The following PRKCE variants were observed in gnomAD, a reference collection of about 807,000 sequenced individuals.
The protein encoded by PRKCE is protein kinase C epsilon.
PRKCE carries 16 observed loss-of-function variants against 85.4 expected under a neutral mutation model. The observed-to-expected ratio is 0.19, with a 90% CI of 0.13 to 0.28. The LOEUF is 0.28. Ranked by LOEUF, PRKCE falls within the 10% of genes least tolerant of loss-of-function variation. The pLI, the probability that PRKCE is intolerant of heterozygous loss-of-function variation, is 1.00. For missense variants in PRKCE, 573 were observed against 975.2 expected, an observed-to-expected ratio of 0.59 and a Z score of 5.49; for synonymous variants, 388 against 371.5, an observed-to-expected ratio of 1.04 and a Z score of -0.51.
At chr2:45,947,640 G>A (rs973959021) in intron 2 of PRKCE, among the ~76,000 whole-genome samples, 17 of 152,154 alleles carry the variant, frequency 1.1e-4, no homozygotes, top group Admixed American at 8.5e-4. Flanking sequence ...ATCTTTTTGT[G>A]TGGTTACAGT....
chr2:45,995,852 C>A (rs932773125), intron 6 of PRKCE, among the ~76,000 whole-genome samples: 2 of 152,156 alleles, frequency 1.3e-5, no homozygotes, highest in Non-Finnish European at 2.9e-5. Flanking sequence ...TTGCCTGGGT[C>A]TTTTGCCTCT....
intron 10 of PRKCE, among the ~76,000 whole-genome samples, chr2:46,052,915 TC>T (rs1172035506): frequency 1.4e-4 from 22 of 152,212 alleles, no homozygotes; most frequent in African/African-American, 5.3e-4. Context: ...AGGATGGTTT[TC>T]CATAAATGGT....
chr2:45,739,740 G>A (rs909955422), intron 1 of PRKCE, among the ~76,000 whole-genome samples: 2 of 151,990 alleles, frequency 1.3e-5, no homozygotes, highest in Non-Finnish European at 2.9e-5. Context: ...ATTTTTTGAG[G>A]CATGAACTGT....
chr2:46,112,137 T>C (rs988821290), intron 11 of PRKCE, among the ~76,000 whole-genome samples: 2 of 152,248 alleles, frequency 1.3e-5, no homozygotes, highest in African/African-American at 4.8e-5. Context: ...TTTATCATTA[T>C]GTAATGCCCT....
At position 45,781,560 on chromosome 2, in the gene PRKCE, C is replaced by A. The variant is rs549979795; in HGVS notation, c.349-61440C>A. Among the ~76,000 whole-genome samples the A allele has an allele frequency of 1.0e-3, 154 of 152,252 alleles. 1 individual carries two copies. The highest frequency in any genetic ancestry group is 3.5e-3 in the African/African-American group (146 of 41,518). ...GGGGCTGTTCTGCATACAGGCAGAA[C>A]CTTTGAAACAGGTGCAGGGAGCTTT... On this transcript the variant is annotated intron_variant, in intron 1 of 14. Transcript: ENST00000306156.
chr2:46,052,289 G>C (rs1708904605), intron 10 of PRKCE, among the ~76,000 whole-genome samples: 2 of 152,272 alleles, frequency 1.3e-5, no homozygotes, highest in South Asian at 2.1e-4. Flanking sequence ...TAATAAAAGA[G>C]TAGAGCAAGG....
chr2:46,004,357 G>A lies in PRKCE; in HGVS notation c.967-185G>A, dbSNP rs61758277. On this transcript the variant is annotated intron_variant, in intron 7 of 14. Coordinates refer to ENST00000306156, the MANE Select transcript of PRKCE (RefSeq NM_005400.3). The surrounding 1 kb of genome is among the most constrained non-coding windows in gnomAD (Gnocchi z 4.1). ...TTTGTGGTTCTTGCTCTGGTCAGAC[G>A]TCACAGAGGGATCGAACTTCATTTT... is the stretch of plus-strand genomic sequence containing the variant. The A allele has an allele frequency of 1.8e-3, 1,018 of 552,476 alleles. 11 individuals are homozygous for A. The highest frequency in any genetic ancestry group is 0.017 in the African/African-American group (884 of 52,786). The allele number at this position is 552,476 out of a possible 1,614,324, so 34.2% of individuals were successfully genotyped here.
chr2:45,753,398 T>G (rs547624429), intron 1 of PRKCE, among the ~76,000 whole-genome samples: 1 of 152,356 alleles, frequency 6.6e-6, no homozygotes, highest in South Asian at 2.1e-4. Context: ...TTTTAAGTAC[T>G]AGACTGAAAC....
chr2:45,938,279 A>T (rs921944183), intron 2 of PRKCE, among the ~76,000 whole-genome samples: 3 of 149,920 alleles, frequency 2.0e-5, no homozygotes, highest in Non-Finnish European at 4.5e-5. Flanking sequence ...GCTTGGCTGG[A>T]GGGGGGCTAT....
intron 1 of PRKCE, among the ~76,000 whole-genome samples, chr2:45,770,308 T>A (rs1685214522): frequency 6.6e-6 from 1 of 152,194 alleles, no homozygotes; most frequent in Non-Finnish European, 1.5e-5. Flanking sequence ...CCATGCTTCC[T>A]CTGTCTGGAA....
At chr2:45,996,408 G>A (rs906945394) in intron 6 of PRKCE, among the ~76,000 whole-genome samples, 7 of 152,224 alleles carry the variant, frequency 4.6e-5, no homozygotes, top group African/African-American at 1.7e-4. Flanking sequence ...TGTTGAAAAG[G>A]AGTGGTGAGA....
intron 11 of PRKCE, among the ~76,000 whole-genome samples, chr2:46,120,858 T>C (rs767942229): frequency 6.6e-6 from 1 of 152,224 alleles, no homozygotes; most frequent in Admixed American, 6.5e-5. Context: ...CTATCCATAC[T>C]GTAAAAACTA....
intron 1 of PRKCE, among the ~76,000 whole-genome samples, chr2:45,732,219 A>G (rs1023162249): frequency 4.6e-5 from 7 of 152,138 alleles, no homozygotes; most frequent in Non-Finnish European, 7.4e-5. Flanking sequence ...AGGGCAGGCA[A>G]AGGGCTCCAT....
At position 45,679,354 on chromosome 2, in the gene PRKCE, G is replaced by A. The variant is rs552739108; in HGVS notation, c.348+26906G>A. Among the ~76,000 whole-genome samples, 8 of 152,282 alleles carry A rather than the reference G, an allele frequency of 5.3e-5. No individual in the cohort carries two copies. The Middle Eastern group carries it at 0.01, about 194-fold the overall frequency. On this transcript the variant is annotated intron_variant, in intron 1 of 14. Coordinates refer to ENST00000306156, the MANE Select transcript of PRKCE (RefSeq NM_005400.3). ...AGAGCTATACTGGAGAAAGCAATGT[G>A]TCTTACTTCACTTTATTCCACATCA...
intron 2 of PRKCE, among the ~76,000 whole-genome samples, chr2:45,929,390 T>C (rs527750571): frequency 2.7e-4 from 41 of 152,344 alleles, no homozygotes; most frequent in African/African-American, 8.9e-4. Context: ...CTCTTGTGCG[T>C]ACTCTCCATT....
chr2:45,660,252 A>G (rs1572874897), intron 1 of PRKCE, among the ~76,000 whole-genome samples: 1 of 152,350 alleles, frequency 6.6e-6, no homozygotes, highest in East Asian at 1.9e-4. Flanking sequence ...GTACAGTTGA[A>G]AGAAGTGAGG....
At chr2:46,158,312 A>C (rs79567718) in intron 13 of PRKCE, among the ~76,000 whole-genome samples, 4,541 of 152,284 alleles carry the variant, frequency 0.03, 88 homozygotes, top group East Asian at 0.083. Flanking sequence ...AGAGGGAAGA[A>C]AGAATGCAAA....
At chr2:46,171,531 G>A (rs998705292) in intron 14 of PRKCE, among the ~76,000 whole-genome samples, 4 of 152,216 alleles carry the variant, frequency 2.6e-5, no homozygotes, top group African/African-American at 9.6e-5. Flanking sequence ...GATAGTACAT[G>A]CCAGGGGCAC....
intron 5 of PRKCE, among the ~76,000 whole-genome samples, chr2:45,982,892 C>T (rs61764810): frequency 0.29 from 44,381 of 152,108 alleles, 6,988 homozygotes; most frequent in Middle Eastern, 0.44. Flanking sequence ...ATTCATACCC[C>T]TATGAGGTGA....
Sources: allele counts gnomAD v4.1 joint callset (sites outside exome capture counted in the v4.1 genomes callset), GRCh38; gene constraint gnomAD v4.1.1; non-coding constraint Gnocchi (gnomAD v3.1); transcripts MANE v1.5; gene names NCBI Gene and HGNC (gene_info 2026-07-23, HGNC 2026-07-21).